HYDIN: variants seen among roughly 807,000 people sequenced by gnomAD.
HYDIN encodes the protein axonemal central pair apparatus protein HYDIN.
Under a neutral mutation model 403.9 loss-of-function variants are expected in HYDIN, and 132 were observed. That is an observed-to-expected ratio of 0.33 (90% CI 0.28 to 0.38). HYDIN has a LOEUF of 0.38. Ranked by LOEUF, HYDIN falls within the 10% of genes least tolerant of loss-of-function variation. HYDIN has a pLI of 1.00. For missense variants in HYDIN, 2,827 were observed against 5,009.5 expected, an observed-to-expected ratio of 0.56 and a Z score of 13.15; for synonymous variants, 1,202 against 1,891.7, an observed-to-expected ratio of 0.64 and a Z score of 9.46.
At position 70,805,657 on chromosome 16, in the gene HYDIN, C is replaced by T. The variant is rs980514153; in HGVS notation, c.*1923G>A. Among the ~76,000 whole-genome samples the T allele has an allele frequency of 1.3e-5, 2 of 152,218 alleles. No homozygotes were observed. The highest frequency in any genetic ancestry group is 1.9e-4 in the East Asian group (1 of 5,200). The stretch of plus-strand genomic sequence containing the variant: ...ATATTTGCAAGTCATCACTCTTGCT[C>T]ATTGATCTTAGCATCCTCTCAGATT... On this transcript the variant is annotated 3_prime_UTR_variant, in exon 86 of 86. Coordinates refer to ENST00000393567, the MANE Select transcript of HYDIN (RefSeq NM_001270974.2).
chr16:70,937,758 G>T (rs935016745), intron 44 of HYDIN, among the ~76,000 whole-genome samples: 1 of 149,148 alleles, frequency 6.7e-6, no homozygotes, highest in African/African-American at 2.5e-5. Context: ...TGTGGAGCTG[G>T]AGGAGAGAAC....
At chr16:70,882,147 C>G (rs1034367322) in intron 60 of HYDIN, among the ~76,000 whole-genome samples, 1 of 152,204 alleles carries the variant, frequency 6.6e-6, no homozygotes. Flanking sequence ...CCTCAGTTTC[C>G]CTAACTGTAG....
intron 1 of HYDIN, among the ~76,000 whole-genome samples, chr16:71,208,739 C>A (rs1292974428): frequency 1.3e-5 from 2 of 152,142 alleles, no homozygotes; most frequent in Non-Finnish European, 2.9e-5. Context: ...ACTGACCCCA[C>A]AGAAATACAA....
At chr16:71,071,826 T>G (rs1240033648) in intron 13 of HYDIN, among the ~76,000 whole-genome samples, 1 of 152,224 alleles carries the variant, frequency 6.6e-6, no homozygotes, top group Admixed American at 6.5e-5. Context: ...TTCATCAACA[T>G]GCAGGACAAA....
At chr16:71,019,083 G>C (rs1193643802) in intron 22 of HYDIN, among the ~76,000 whole-genome samples, 1 of 150,352 alleles carries the variant, frequency 6.7e-6, no homozygotes, top group East Asian at 1.9e-4. Flanking sequence ...GAGCTGAACA[G>C]CATTTGTTCA....
chr16:70,875,761 C>G (rs543849678), intron 62 of HYDIN, among the ~76,000 whole-genome samples: 2 of 152,008 alleles, frequency 1.3e-5, no homozygotes, highest in African/African-American at 4.8e-5. Flanking sequence ...AGCAGAAATC[C>G]TACCAGATTC....
At chr16:71,171,742 G>C (rs1403004286) in intron 5 of HYDIN, among the ~76,000 whole-genome samples, 4 of 152,202 alleles carry the variant, frequency 2.6e-5, no homozygotes, top group Non-Finnish European at 5.9e-5. Context: ...AAAGAAGAAA[G>C]TTAATATCTA....
At position 71,027,610 on chromosome 16, in the gene HYDIN, T is replaced by C. The variant is rs201281142; in HGVS notation, c.3034A>G (p.Thr1012Ala). The C allele has an allele frequency of 6.2e-7, 1 of 1,613,762 alleles. No individual in the cohort carries two copies. The highest frequency in any genetic ancestry group is 8.5e-7 in the Non-Finnish European group (1 of 1,179,944). ...ATGTGCTATCCCCTTACCCTGGGAGTAGCAGAATAGCCTTCGAGTATCACA... is the reference window on the plus strand; with the variant it reads ...ATGTGCTATCCCCTTACCCTGGGAGCAGCAGAATAGCCTTCGAGTATCACA... ...IDVILEGYSA[T>A]PRIVKEKLVC... The change falls in exon 20 of 86, where the codon ACT becomes GCT. Residue 1012 changes from threonine to alanine, a missense_variant. Transcript: ENST00000393567.
intron 36 of HYDIN, among the ~76,000 whole-genome samples, chr16:70,967,176 A>G (rs1404581730): frequency 2.0e-5 from 3 of 152,188 alleles, no homozygotes; most frequent in Admixed American, 2.0e-4. Flanking sequence ...GGGTGGGAGC[A>G]TGAGATGTGG....
chr16:70,949,398 T>G (rs903892036), intron 41 of HYDIN, among the ~76,000 whole-genome samples: 43 of 151,768 alleles, frequency 2.8e-4, no homozygotes, highest in Non-Finnish European at 5.9e-4. Context: ...GCATGTCACA[T>G]GTATACATAT....
intron 23 of HYDIN, among the ~76,000 whole-genome samples, chr16:71,010,917 C>T (rs1412824681): frequency 1.3e-5 from 2 of 152,226 alleles, no homozygotes; most frequent in African/African-American, 4.8e-5. Flanking sequence ...CCTGCCTGGC[C>T]CTGGCCCCCT....
intron 20 of HYDIN, chr16:71,027,370 A>G (rs1448463380): frequency 6.4e-6 from 9 of 1,408,742 alleles, no homozygotes; most frequent in Non-Finnish European, 8.3e-6. Context: ...GACCCTGGGC[A>G]TGAGAACCTC....
chr16:70,894,154 T>A (rs1436196124), intron 55 of HYDIN: 7 of 369,178 alleles, frequency 1.9e-5, no homozygotes, highest in East Asian at 1.1e-4. Flanking sequence ...GCCAGGTACA[T>A]CCGGGCCACT....
At chr16:71,219,719 G>C (rs528431696) in intron 1 of HYDIN, among the ~76,000 whole-genome samples, 3 of 152,240 alleles carry the variant, frequency 2.0e-5, no homozygotes, top group African/African-American at 7.2e-5. Context: ...AATTGCATTA[G>C]AGGCATTTTA....
At chr16:71,194,620 T>C (rs536391681) in intron 1 of HYDIN, among the ~76,000 whole-genome samples, 1 of 152,334 alleles carries the variant, frequency 6.6e-6, no homozygotes, top group East Asian at 1.9e-4. Flanking sequence ...TATTGGCATC[T>C]AACAAATTGC....
At position 70,868,805 on chromosome 16, in the gene HYDIN, T is replaced by C. The variant is rs780744873; in HGVS notation, c.11092-17A>G. 2.5e-6 allele frequency: 4 copies of C among 1,606,862 alleles called. No homozygotes were observed. Among genetic ancestry groups the C allele is most frequent in the Non-Finnish European group, 2.6e-6 (3 of 1,176,190 alleles). On this transcript the variant is annotated splice_polypyrimidine_tract_variant and intron_variant, in intron 65 of 85. Coordinates refer to ENST00000393567, the MANE Select transcript of HYDIN (RefSeq NM_001270974.2). ...GTGGCCCATCTAGGAAAGAGCCTGG[T>C]ATTAGTATTTTTGAGAATCCGATCT...
At chr16:71,093,749 T>C (rs1568142321) in intron 11 of HYDIN, 68 bp downstream of exon 11, 5 of 1,559,332 alleles carry the variant, frequency 3.2e-6, no homozygotes, top group East Asian at 2.3e-5. Context: ...AATAAAAACA[T>C]ATAAGATAAA....
chr16:70,909,967 C>T (rs1426286146), intron 47 of HYDIN, among the ~76,000 whole-genome samples: 1 of 151,728 alleles, frequency 6.6e-6, no homozygotes, highest in Non-Finnish European at 1.5e-5. Context: ...GCTGGGATTA[C>T]AGGCGTGAGC....
chr16:71,166,145 C>G (rs1360614401), intron 5 of HYDIN, among the ~76,000 whole-genome samples: 28 of 117,164 alleles, frequency 2.4e-4, no homozygotes, highest in Non-Finnish European at 3.0e-4. Context: ...AGTACTTAGC[C>G]CAGCATTTAG....
Sources: gnomAD v4.1 joint callset for allele counts (sites outside exome capture counted in the v4.1 genomes callset) on GRCh38, gnomAD v4.1.1 for gene constraint, MANE v1.5 for transcripts, NCBI Gene and HGNC (gene_info 2026-07-23, HGNC 2026-07-21) for gene names.